The following LRP2 variants were observed in gnomAD, a reference collection of about 807,000 sequenced individuals.
LRP2 encodes the protein LDL receptor related protein 2, also known as low-density lipoprotein receptor-related protein 2.
Under a neutral mutation model 531.0 loss-of-function variants are expected in LRP2, and 172 were observed. The ratio of observed to expected loss-of-function variants is 0.32; its 90% CI spans 0.29 to 0.37. The LOEUF (loss-of-function observed/expected upper bound fraction) is 0.37, where lower values mean the gene tolerates loss of function less well. LRP2 is among the 10% of genes least tolerant of loss of function. The probability of loss-of-function intolerance (pLI) is 1.00; values close to 1 mark genes in which losing one functional copy is unlikely to be tolerated. For synonymous variants in LRP2, 1,992 were observed against 2,027.6 expected (o/e 0.98, Z 0.47); for missense variants, 5,167 against 5,868.3 (o/e 0.88, Z 3.90).
intron 1 of LRP2, among the ~76,000 whole-genome samples, chr2:169,335,817 C>T (rs1227873623): frequency 5.3e-5 from 8 of 152,026 alleles, no homozygotes; most frequent in African/African-American, 1.9e-4. Flanking sequence ...AGTTCAAGAC[C>T]AGCCTGGCCA....
At position 169,188,097 on chromosome 2, in the gene LRP2, C is replaced by A; in HGVS notation, c.9201G>T (p.Leu3067=). The part of the protein sequence containing the change: ...CGDGSDELMH[L]CHTPEPTCPP... Reference sequence around the variant, plus strand: ...GACACGTGGGTTCTGGGGTGTGGCACAGGTGCATCAGCTCATCAGATCCGT... The same window carrying A: ...GACACGTGGGTTCTGGGGTGTGGCAAAGGTGCATCAGCTCATCAGATCCGT... Residue 3067 remains leucine (L), a synonymous_variant, in exon 49 of 79, where the codon CTG becomes CTT. Transcript: ENST00000649046. The A allele has an allele frequency of 1.2e-6, 2 of 1,614,128 alleles. No individual in the cohort carries two copies. Among genetic ancestry groups the A allele is most frequent in the Non-Finnish European group, 1.7e-6 (2 of 1,180,022 alleles).
rs968629215 is a variant in LRP2, at chr2:169,198,708, C to T, written c.8578+78G>A. On this transcript the variant is annotated intron_variant, in intron 45 of 78. Transcript: ENST00000649046. ...TGACAATTGAAATCAGCCCGAATACCCACGCTTCATATCTTTGTATTAGCT... is the reference window on the plus strand; with the variant it reads ...TGACAATTGAAATCAGCCCGAATACTCACGCTTCATATCTTTGTATTAGCT... 2.3e-5 allele frequency: 35 copies of T among 1,549,214 alleles called. 1 individual carries two copies. The South Asian group carries it at 3.9e-4, about 17-fold the overall frequency.
rs1321575377 is a variant in LRP2 at position 169,292,388 on chromosome 2, T to G, written c.653-19A>C. ...GGATAGTCTGGAATAAAGCAACAGCTGCACTCCAAAGACACAAATCACCGG... is the reference window on the plus strand; with the variant it reads ...GGATAGTCTGGAATAAAGCAACAGCGGCACTCCAAAGACACAAATCACCGG... On this transcript the variant is annotated intron_variant, in intron 6 of 78. Transcript: ENST00000649046. The G allele has an allele frequency of 1.4e-6, 2 of 1,480,264 alleles. No homozygotes were observed. 91.7% of individuals were successfully genotyped at this position (1,480,264 alleles called of 1,614,324 possible).
chr2:169,245,712 A>G (rs62172647), intron 21 of LRP2, among the ~76,000 whole-genome samples: 5,706 of 152,300 alleles, frequency 0.037, 154 homozygotes, highest in South Asian at 0.099. Context: ...TAAGACCACC[A>G]TTTCATTGTT....
At position 169,139,238 on chromosome 2, in the gene LRP2, T is replaced by C. The variant is rs1685630528; in HGVS notation, c.13388+13A>G. On this transcript the variant is annotated intron_variant, in intron 74 of 78. Coordinates refer to ENST00000649046, the MANE Select transcript of LRP2 (RefSeq NM_004525.3). The stretch of plus-strand genomic sequence containing the variant: ...AGGCTTCAAACATCAACGTTCCCCA[T>C]AATGAAACTGACCTTGGCAGCTTGG... The C allele has an allele frequency of 1.2e-6, 2 of 1,614,012 alleles. No homozygotes were observed. Among genetic ancestry groups the C allele is most frequent in the African/African-American group, 2.7e-5 (2 of 74,934 alleles).
At chr2:169,338,190 G>GAGAAAGAAA (rs534000713) in intron 1 of LRP2, among the ~76,000 whole-genome samples, 1 of 145,772 alleles carries the variant, frequency 6.9e-6, no homozygotes, top group African/African-American at 2.6e-5. Flanking sequence ...GAAAGAAAGA[G>GAGAAAGAAA]AGAAAGAAAA....
chr2:169,316,222 TG>T (rs1684760079), intron 3 of LRP2, among the ~76,000 whole-genome samples: 1 of 151,982 alleles, frequency 6.6e-6, no homozygotes, highest in Non-Finnish European at 1.5e-5. Context: ...GAAATATTTA[TG>T]AGGCAAATTA....
In LRP2 at chr2:169,194,867, G is replaced by A. The variant is rs148568331; in HGVS notation, c.8699-975C>T. On this transcript the variant is annotated intron_variant, in intron 46 of 78. Transcript: ENST00000649046. ...GCTGGGATTACAGGCGTGTGCCACC[G>A]CGCCCGGCTAATTCTTGTGTTTTTA... is the stretch of plus-strand genomic sequence containing the variant. 4.8e-3 allele frequency among the ~76,000 whole-genome samples: 730 copies of A among 151,928 alleles called. 8 individuals carry two copies. The highest frequency in any genetic ancestry group is 0.016 in the African/African-American group (682 of 41,418).
At chr2:169,208,232 A>G (rs937957672) in intron 38 of LRP2, among the ~76,000 whole-genome samples, 39 of 152,190 alleles carry the variant, frequency 2.6e-4, no homozygotes, top group Non-Finnish European at 4.3e-4. Context: ...TGTTACAATA[A>G]AACTTTATTT....
At chr2:169,202,374 C>T (rs912672088) in intron 43 of LRP2, among the ~76,000 whole-genome samples, 5 of 152,118 alleles carry the variant, frequency 3.3e-5, no homozygotes, top group African/African-American at 1.2e-4. Flanking sequence ...TTTCCTTAGT[C>T]CCAAGCTAAG....
rs1384549963 is a variant in LRP2, at chr2:169,274,200, T to C, written c.1975+836A>G. Among the ~76,000 whole-genome samples, 2 of 152,196 alleles carry C rather than the reference T, an allele frequency of 1.3e-5. 1 individual carries two copies. The highest frequency in any genetic ancestry group is 6.3e-3 in the Middle Eastern group (2 of 316). On this transcript the variant is annotated intron_variant, in intron 14 of 78. Coordinates refer to ENST00000649046, the MANE Select transcript of LRP2 (RefSeq NM_004525.3). ...AACGTAGTGTAGTTTATGTTTCTTTTTCTTTGATCCACAAGCAAATACAGA... is the reference window on the plus strand; with the variant it reads ...AACGTAGTGTAGTTTATGTTTCTTTCTCTTTGATCCACAAGCAAATACAGA...
intron 6 of LRP2, among the ~76,000 whole-genome samples, chr2:169,293,616 A>G (rs1574228111): frequency 6.6e-6 from 1 of 152,192 alleles, no homozygotes; most frequent in Admixed American, 6.5e-5. Context: ...CGGAAGTGGC[A>G]GTAAGCCGAG....
chr2:169,223,312 T>C (rs1689083350), intron 33 of LRP2, among the ~76,000 whole-genome samples: 1 of 152,182 alleles, frequency 6.6e-6, no homozygotes, highest in Non-Finnish European at 1.5e-5. Context: ...ACTACTGCAT[T>C]GTACCTAACA....
At chr2:169,195,741 G>C (rs1687982747) in intron 46 of LRP2, among the ~76,000 whole-genome samples, 1 of 152,044 alleles carries the variant, frequency 6.6e-6, no homozygotes, top group Non-Finnish European at 1.5e-5. Flanking sequence ...TTCCTTTACA[G>C]GTCCTCAAAA....
At chr2:169,337,942 A>C (rs1346661673) in intron 1 of LRP2, among the ~76,000 whole-genome samples, 1 of 152,106 alleles carries the variant, frequency 6.6e-6, no homozygotes, top group East Asian at 1.9e-4. Flanking sequence ...GCCAGTATCT[A>C]CAAAAACAAA....
At chr2:169,147,430 T>C (rs1176536151) in intron 68 of LRP2, among the ~76,000 whole-genome samples, 1 of 152,180 alleles carries the variant, frequency 6.6e-6, no homozygotes, top group African/African-American at 2.4e-5. Flanking sequence ...TCCTCTCATC[T>C]CAGCCTCCTG....
chr2:169,176,631 G>C, intron 53 of LRP2, 43 bp from the exon 54 acceptor site: 1 of 1,564,924 alleles, frequency 6.4e-7, no homozygotes, highest in Non-Finnish European at 8.8e-7. Flanking sequence ...TGCTGAAAGA[G>C]AGTATCAAGC....
chr2:169,182,575 C>T (rs755161333), intron 50 of LRP2: 22 of 1,344,792 alleles, frequency 1.6e-5, no homozygotes, highest in Non-Finnish European at 1.8e-5. Context: ...ACACTTCATT[C>T]GACGGGTCTG....
At chr2:169,297,569 C>G (rs778427358) in intron 4 of LRP2, among the ~76,000 whole-genome samples, 2 of 152,120 alleles carry the variant, frequency 1.3e-5, no homozygotes, top group Non-Finnish European at 2.9e-5. Flanking sequence ...CCTTGCTTCC[C>G]CTTTCTTTAC....
Sources: allele counts gnomAD v4.1 joint callset (sites outside exome capture counted in the v4.1 genomes callset), GRCh38; gene constraint gnomAD v4.1.1; transcripts MANE v1.5; gene names NCBI Gene and HGNC (gene_info 2026-07-23, HGNC 2026-07-21).